The following CBFB variants were observed in gnomAD, a reference collection of about 807,000 sequenced individuals.
CBFB encodes the protein core-binding factor subunit beta.
Under a neutral mutation model 30.4 loss-of-function variants are expected in CBFB, and 9 were observed. That is an observed-to-expected ratio of 0.30 (90% CI 0.18 to 0.52). CBFB has a LOEUF of 0.52. Ranked by LOEUF, CBFB falls within the 20% of genes least tolerant of loss-of-function variation. The probability of loss-of-function intolerance (pLI) is 0.97; values close to 1 mark genes in which losing one functional copy is unlikely to be tolerated. For missense variants in CBFB, 170 were observed against 244.0 expected (o/e 0.70, Z 2.02); for synonymous variants, 94 against 84.0 (o/e 1.12, Z -0.65).
chr16:67,053,835 T>G (rs1327901449), intron 3 of CBFB, among the ~76,000 whole-genome samples: 1 of 149,950 alleles, frequency 6.7e-6, no homozygotes, highest in Non-Finnish European at 1.5e-5. Flanking sequence ...TGACCTACCT[T>G]CTTTTATCCT....
At chr16:67,060,708 A>G (rs1324788848) in intron 3 of CBFB, among the ~76,000 whole-genome samples, 1 of 152,054 alleles carries the variant, frequency 6.6e-6, no homozygotes, top group Non-Finnish European at 1.5e-5. Context: ...GGCATGTGCC[A>G]CCACGCCCAG....
intron 5 of CBFB, among the ~76,000 whole-genome samples, chr16:67,094,422 C>T (rs186383538): frequency 2.8e-4 from 42 of 152,234 alleles, no homozygotes; most frequent in African/African-American, 9.4e-4. Context: ...ATATTTTAAA[C>T]AAATCCATGG....
chr16:67,061,515 T>G (rs1960910034), intron 3 of CBFB, among the ~76,000 whole-genome samples: 1 of 152,200 alleles, frequency 6.6e-6, no homozygotes, highest in South Asian at 2.1e-4. Flanking sequence ...TAAATGACAT[T>G]ATTGAATTGC....
chr16:67,060,316 A>G (rs891992799), intron 3 of CBFB, among the ~76,000 whole-genome samples: 3 of 152,178 alleles, frequency 2.0e-5, no homozygotes, highest in African/African-American at 7.2e-5. Context: ...CACATACCAT[A>G]AAATTCACTC....
At chr16:67,073,196 A>G (rs553447271) in intron 4 of CBFB, among the ~76,000 whole-genome samples, 8 of 152,332 alleles carry the variant, frequency 5.3e-5, no homozygotes, top group South Asian at 4.1e-4. Flanking sequence ...AAGAGAGTCA[A>G]TTCCATTTTT....
At chr16:67,052,598 T>A (rs2145732909) in intron 3 of CBFB, among the ~76,000 whole-genome samples, 1 of 151,916 alleles carries the variant, frequency 6.6e-6, no homozygotes, top group African/African-American at 2.4e-5. Flanking sequence ...AAATGCCTGC[T>A]AGACAATTTA....
intron 3 of CBFB, among the ~76,000 whole-genome samples, chr16:67,059,170 A>G (rs1341836294): frequency 6.6e-6 from 1 of 152,218 alleles, no homozygotes; most frequent in African/African-American, 2.4e-5. Context: ...TGCTTATTCC[A>G]AATTTAGATA....
intron 3 of CBFB, among the ~76,000 whole-genome samples, chr16:67,059,973 TTTC>T (rs200984226): frequency 2.8e-3 from 417 of 148,362 alleles, no homozygotes; most frequent in Non-Finnish European, 4.6e-3. Context: ...TCTTTCTTTC[TTTC>T]TTTTTTTTTT....
chr16:67,079,538 T>TG (rs397809119), intron 4 of CBFB, among the ~76,000 whole-genome samples: 2 of 138,410 alleles, frequency 1.4e-5, no homozygotes, highest in East Asian at 2.0e-4. Flanking sequence ...TTTTTTTTTT[T>TG]GACCCCAACG....
intron 2 of CBFB, among the ~76,000 whole-genome samples, chr16:67,031,293 A>G (rs1411298897): frequency 6.6e-6 from 1 of 152,160 alleles, no homozygotes; most frequent in Non-Finnish European, 1.5e-5. Flanking sequence ...TTTCTTGAGT[A>G]ATTGTAGTAT....
At chr16:67,091,498 A>C (rs1961878127) in intron 5 of CBFB, among the ~76,000 whole-genome samples, 1 of 152,228 alleles carries the variant, frequency 6.6e-6, no homozygotes, top group Non-Finnish European at 1.5e-5. Flanking sequence ...AGAGGATAAG[A>C]AACTTGCCTA....
At chr16:67,084,475 A>T (rs1256372927) in intron 5 of CBFB, among the ~76,000 whole-genome samples, 1 of 152,198 alleles carries the variant, frequency 6.6e-6, no homozygotes, top group Non-Finnish European at 1.5e-5. Context: ...ATCTACAGAC[A>T]GTAGAATAGT....
intron 4 of CBFB, among the ~76,000 whole-genome samples, chr16:67,078,726 G>T (rs949463234): frequency 9.9e-5 from 15 of 152,108 alleles, no homozygotes; most frequent in African/African-American, 3.4e-4. Flanking sequence ...TTGGCTCACC[G>T]CAACCTCTGC....
Position 67,099,830 on chromosome 16 carries a change from A to C in CBFB, c.*1052A>C, listed in dbSNP as rs948349160. On this transcript the variant is annotated 3_prime_UTR_variant, in exon 6 of 6. Transcript: ENST00000412916. ...ATTGTATTAAAATCATGTTTAAGATAGCTGCTTTTATGTGTATTTTATATT... is the reference window on the plus strand; with the variant it reads ...ATTGTATTAAAATCATGTTTAAGATCGCTGCTTTTATGTGTATTTTATATT... 3.3e-5 allele frequency: 7 copies of C among 212,174 alleles called. No homozygotes were observed. The highest frequency in any genetic ancestry group is 1.6e-4 in the African/African-American group (7 of 44,228). 13.1% of individuals were successfully genotyped at this position (212,174 alleles called of 1,614,324 possible). A position where few individuals can be genotyped will look rare whatever the true frequency, so the allele number is the denominator to read the frequency against.
intron 4 of CBFB, among the ~76,000 whole-genome samples, chr16:67,068,112 G>GT (rs1320326602): frequency 1.3e-5 from 2 of 152,188 alleles, no homozygotes; most frequent in Non-Finnish European, 2.9e-5. Context: ...AGATGTTTGG[G>GT]TAAAAACTCT....
intron 3 of CBFB, among the ~76,000 whole-genome samples, chr16:67,055,087 C>T (rs539289338): frequency 1.3e-5 from 2 of 152,138 alleles, no homozygotes; most frequent in African/African-American, 2.4e-5. Flanking sequence ...TACATCACTT[C>T]AGAGGAAATG....
intron 5 of CBFB, among the ~76,000 whole-genome samples, chr16:67,084,516 A>C (rs777893967): frequency 2.0e-5 from 3 of 152,332 alleles, no homozygotes; most frequent in Middle Eastern, 3.4e-3. Flanking sequence ...TTAGTTATTT[A>C]AAGAGTATAG....
chr16:67,034,418 CTT>C (rs1966408350), intron 2 of CBFB, among the ~76,000 whole-genome samples: 1 of 152,154 alleles, frequency 6.6e-6, no homozygotes, highest in African/African-American at 2.4e-5. Context: ...TTATTTTCGT[CTT>C]TATTTTCCTA....
At chr16:67,061,968 G>A (rs1960923089) in intron 3 of CBFB, among the ~76,000 whole-genome samples, 1 of 151,922 alleles carries the variant, frequency 6.6e-6, no homozygotes, top group Non-Finnish European at 1.5e-5. Flanking sequence ...GGAGGTGGAG[G>A]TTGCAGTGAG....
Sources: allele counts gnomAD v4.1 joint callset (sites outside exome capture counted in the v4.1 genomes callset), GRCh38; gene constraint gnomAD v4.1.1; transcripts MANE v1.5; gene names NCBI Gene and HGNC (gene_info 2026-07-23, HGNC 2026-07-21).